Variants in JAK2 observed in about 807,000 individuals in gnomAD.
JAK2 encodes the protein tyrosine-protein kinase JAK2.
Under a neutral mutation model 139.3 loss-of-function variants are expected in JAK2, and 86 were observed. The ratio of observed to expected loss-of-function variants is 0.62; its 90% CI spans 0.52 to 0.74. The LOEUF is 0.74. JAK2 is among the 30% of genes least tolerant of loss of function. JAK2 has a pLI of 0.00. For missense variants in JAK2, 1,421 were observed against 1,360.3 expected (o/e 1.04, Z -0.70); for synonymous variants, 490 against 437.7 (o/e 1.12, Z -1.49).
intron 8 of JAK2, among the ~76,000 whole-genome samples, chr9:5,059,418 A>G (rs1208277643): frequency 1.3e-5 from 2 of 152,200 alleles, no homozygotes; most frequent in Non-Finnish European, 2.9e-5. Flanking sequence ...ATTGCTGGGT[A>G]GTATTGAATT....
intron 23 of JAK2, chr9:5,125,828 AT>A (rs559811618): frequency 2.0e-4 from 29 of 141,466 alleles, no homozygotes; most frequent in African/African-American, 5.2e-4. Flanking sequence ...TATATTTGTA[AT>A]TTTTTTTCCC....
chr9:5,042,671 G>T (rs77274685), intron 4 of JAK2, among the ~76,000 whole-genome samples: 1 of 152,164 alleles, frequency 6.6e-6, no homozygotes, highest in African/African-American at 2.4e-5. Context: ...CGTTTTCTCA[G>T]TGGGAGGGCA....
chr9:5,107,042 T>C (rs754335446), intron 22 of JAK2, among the ~76,000 whole-genome samples: 1 of 152,102 alleles, frequency 6.6e-6, no homozygotes, highest in Non-Finnish European at 1.5e-5. Context: ...AAAATATATA[T>C]ACATCACTTT....
In JAK2 at chr9:5,126,835, A is replaced by T; in HGVS notation, c.*44A>T. On this transcript the variant is annotated 3_prime_UTR_variant, in exon 25 of 25. Transcript: ENST00000381652. ...TGAGACCAAAGTAGATTTACAGAAC[A>T]AAGTTTTATATTTCACATTGCTGTG... The T allele has an allele frequency of 8.4e-7, 1 of 1,189,358 alleles. No individual in the cohort carries two copies. Among genetic ancestry groups the T allele is most frequent in the Middle Eastern group, 2.0e-4 (1 of 5,066 alleles). 73.7% of individuals were successfully genotyped at this position (1,189,358 alleles called of 1,614,324 possible). A position where few individuals can be genotyped will look rare whatever the true frequency, so the allele number is the denominator to read the frequency against.
chr9:5,089,609 T>TATAG, intron 19 of JAK2, 65 bp from the exon 20 acceptor site: 1 of 541,402 alleles, frequency 1.8e-6, no homozygotes, highest in Non-Finnish European at 2.8e-6. Context: ...TATATAATTA[T>TATAG]AAAATTTATT....
At chr9:5,122,496 A>G (rs1039398250) in intron 22 of JAK2, among the ~76,000 whole-genome samples, 1 of 152,100 alleles carries the variant, frequency 6.6e-6, no homozygotes, top group Non-Finnish European at 1.5e-5. Context: ...CTTAGAAGGT[A>G]CTCTGCAGTT....
intron 8 of JAK2, among the ~76,000 whole-genome samples, chr9:5,059,148 C>T (rs532645083): frequency 3.9e-5 from 6 of 152,222 alleles, no homozygotes; most frequent in East Asian, 1.9e-4. Flanking sequence ...CATATTTGTA[C>T]ATCTTTGTAG....
At chr9:5,074,544 G>C (rs371992223) in intron 14 of JAK2, among the ~76,000 whole-genome samples, 1 of 152,272 alleles carries the variant, frequency 6.6e-6, no homozygotes, top group African/African-American at 2.4e-5. Flanking sequence ...CCCAAACAGA[G>C]AGAATATAAG....
At chr9:5,095,332 A>C (rs904139525) in intron 22 of JAK2, among the ~76,000 whole-genome samples, 2 of 152,036 alleles carry the variant, frequency 1.3e-5, no homozygotes, top group African/African-American at 2.4e-5. Context: ...CCTAGGAATA[A>C]ATATAGTAGT....
rs1048822746 is a variant in JAK2, at chr9:5,053,806, G to C, written c.615-757G>C. 3.3e-5 allele frequency among the ~76,000 whole-genome samples: 5 copies of C among 152,044 alleles called. No homozygotes were observed. The South Asian group carries it at 8.3e-4, about 25-fold the overall frequency. The stretch of plus-strand genomic sequence containing the variant: ...CTACATCTAATATGCCACAGAATGA[G>C]GTCCAGAAAGGCTTCCTGGATTAGA... On this transcript the variant is annotated intron_variant, in intron 6 of 24. Coordinates refer to ENST00000381652, the MANE Select transcript of JAK2 (RefSeq NM_004972.4).
chr9:4,990,866 G>A (rs1820202662), intron 2 of JAK2, among the ~76,000 whole-genome samples: 1 of 152,134 alleles, frequency 6.6e-6, no homozygotes, highest in Non-Finnish European at 1.5e-5. Flanking sequence ...GGTGATCAGT[G>A]GAGACTTTTC....
intron 2 of JAK2, among the ~76,000 whole-genome samples, chr9:5,009,612 A>G (rs767625189): frequency 3.9e-5 from 6 of 151,980 alleles, no homozygotes; most frequent in Non-Finnish European, 7.4e-5. Flanking sequence ...TTTCTGGTCC[A>G]TTTTGGTCTT....
chr9:5,111,178 C>G, intron 22 of JAK2: 1 of 711,556 alleles, frequency 1.4e-6, no homozygotes, highest in East Asian at 3.4e-5. Context: ...CAGCCACTCT[C>G]CATTCACATT....
At chr9:4,989,853 G>A (rs1472559011) in intron 2 of JAK2, among the ~76,000 whole-genome samples, 1 of 152,196 alleles carries the variant, frequency 6.6e-6, no homozygotes, top group Admixed American at 6.5e-5. Context: ...TGTTAAAAAT[G>A]TAGTTGGAAT....
intron 19 of JAK2, chr9:5,085,883 T>C: frequency 1.2e-6 from 1 of 800,442 alleles, no homozygotes; most frequent in Non-Finnish European, 2.3e-6. Context: ...CTGTTGTTGA[T>C]ATGAGCGGTT....
At chr9:5,087,352 G>T (rs148294438) in intron 19 of JAK2, among the ~76,000 whole-genome samples, 18 of 152,314 alleles carry the variant, frequency 1.2e-4, no homozygotes, top group Admixed American at 1.2e-3. Context: ...CACGAGAACA[G>T]CATGGAGGAA....
chr9:5,106,624 A>G (rs1465126407), intron 22 of JAK2, among the ~76,000 whole-genome samples: 1 of 152,216 alleles, frequency 6.6e-6, no homozygotes, highest in Non-Finnish European at 1.5e-5. Context: ...GGCACTATTC[A>G]CAATAGCAAA....
chr9:5,089,872 C>G lies in JAK2; in HGVS notation c.2761+9C>G. The G allele has an allele frequency of 6.9e-7, 1 of 1,440,284 alleles. No individual in the cohort carries two copies. 89.2% of individuals were successfully genotyped at this position (1,440,284 alleles called of 1,614,324 possible). On this transcript the variant is annotated intron_variant, in intron 20 of 24. Coordinates refer to ENST00000381652, the MANE Select transcript of JAK2 (RefSeq NM_004972.4). ...AGTGTGCTACAGTGCTGGTAAGCTGCCCATTGAAACCTATTTTAAATTCAA... is the reference window on the plus strand; with the variant it reads ...AGTGTGCTACAGTGCTGGTAAGCTGGCCATTGAAACCTATTTTAAATTCAA...
rs1254858009 is a variant in JAK2 at position 5,092,818 on chromosome 9, A to ATAGAATCT, written c.3059+1911_3059+1918dup. Among the ~76,000 whole-genome samples, 18 of 152,288 alleles carry ATAGAATCT rather than the reference A, an allele frequency of 1.2e-4. 1 individual carries two copies. The highest frequency in any genetic ancestry group is 4.1e-4 in the African/African-American group (17 of 41,556). On this transcript the variant is annotated intron_variant, in intron 22 of 24. Coordinates refer to ENST00000381652, the MANE Select transcript of JAK2 (RefSeq NM_004972.4). ...GCCTGCTGATAGCTGGTTGTCCAAG[A>ATAGAATCT]TAGAATCTTAGTTCAGCTTTAAACT...
Sources: gnomAD v4.1 joint callset for allele counts (sites outside exome capture counted in the v4.1 genomes callset) on GRCh38, gnomAD v4.1.1 for gene constraint, MANE v1.5 for transcripts, NCBI Gene and HGNC (gene_info 2026-07-23, HGNC 2026-07-21) for gene names.